Variants in CNGB3 observed in about 807,000 individuals in gnomAD.
The protein encoded by CNGB3 is cyclic nucleotide-gated channel beta-3.
CNGB3 carries 86 observed loss-of-function variants against 92.8 expected under a neutral mutation model. The observed-to-expected ratio is 0.93, with a 90% CI of 0.78 to 1.11. CNGB3 has a LOEUF of 1.11. Among genes scored for constraint, CNGB3 ranks in the 50% least tolerant of loss-of-function variants. The probability of loss-of-function intolerance (pLI) is 0.00; values close to 1 mark genes in which losing one functional copy is unlikely to be tolerated. For synonymous variants in CNGB3, 333 were observed against 332.7 expected (o/e 1.00, Z -0.01); for missense variants, 1,026 against 956.8 (o/e 1.07, Z -0.95).
chr8:86,716,852 G>A (rs1824863036), intron 3 of CNGB3, among the ~76,000 whole-genome samples: 1 of 151,892 alleles, frequency 6.6e-6, no homozygotes, highest in African/African-American at 2.4e-5. Flanking sequence ...ATGATGAATG[G>A]CATAGTACCT....
intron 1 of CNGB3, among the ~76,000 whole-genome samples, chr8:86,740,354 G>T (rs1825319735): frequency 6.6e-6 from 1 of 152,216 alleles, no homozygotes; most frequent in Admixed American, 6.5e-5. Flanking sequence ...GTCTGTAGAG[G>T]ATTAGGATGG....
intron 3 of CNGB3, among the ~76,000 whole-genome samples, chr8:86,725,681 A>T (rs1405020630): frequency 1.3e-5 from 2 of 152,194 alleles, no homozygotes; most frequent in Non-Finnish European, 2.9e-5. Flanking sequence ...GATAATCACG[A>T]TGACTTCTAC....
chr8:86,711,313 C>A (rs1043629738), intron 3 of CNGB3, among the ~76,000 whole-genome samples: 1 of 152,152 alleles, frequency 6.6e-6, no homozygotes, highest in African/African-American at 2.4e-5. Flanking sequence ...TCATAGAAAT[C>A]TGAGATTGTT....
intron 6 of CNGB3, chr8:86,659,040 T>A: frequency 1.0e-6 from 1 of 970,018 alleles, no homozygotes. Context: ...CACTTATAGC[T>A]GCTGCTCCAC....
chr8:86,710,021 T>C (rs975264132), intron 3 of CNGB3, among the ~76,000 whole-genome samples: 2 of 152,164 alleles, frequency 1.3e-5, no homozygotes, highest in African/African-American at 2.4e-5. Flanking sequence ...CCTCTGGGAA[T>C]TGCTTCACTC....
chr8:86,613,800 TAA>T (rs896645646), intron 13 of CNGB3, among the ~76,000 whole-genome samples: 1 of 150,850 alleles, frequency 6.6e-6, no homozygotes, highest in African/African-American at 2.4e-5. Flanking sequence ...CCAACTATAT[TAA>T]GTTATATTCA....
chr8:86,667,957 G>T (rs1271570491), intron 5 of CNGB3, 62 bp downstream of exon 5: 2 of 1,572,958 alleles, frequency 1.3e-6, no homozygotes, highest in African/African-American at 2.7e-5. Context: ...GTGACTTTGA[G>T]TCACAGGGTT....
At chr8:86,736,991 G>A (rs1825260162) in intron 2 of CNGB3, among the ~76,000 whole-genome samples, 1 of 152,096 alleles carries the variant, frequency 6.6e-6, no homozygotes, top group African/African-American at 2.4e-5. Context: ...AAAATATATT[G>A]TAGAACACTT....
intron 10 of CNGB3, among the ~76,000 whole-genome samples, chr8:86,643,196 A>G (rs1424674705): frequency 1.3e-5 from 2 of 151,418 alleles, no homozygotes; most frequent in African/African-American, 4.8e-5. Flanking sequence ...GTATTGACTT[A>G]CTAAAGAGGT....
intron 3 of CNGB3, among the ~76,000 whole-genome samples, chr8:86,695,341 A>G (rs1824429763): frequency 7.2e-6 from 1 of 138,414 alleles, no homozygotes; most frequent in African/African-American, 2.9e-5. Context: ...GGAGAGGGAG[A>G]GCCTTTGTTC....
intron 3 of CNGB3, among the ~76,000 whole-genome samples, chr8:86,688,344 C>A (rs1206793173): frequency 6.6e-6 from 1 of 152,004 alleles, no homozygotes; most frequent in Non-Finnish European, 1.5e-5. Context: ...TGAAGACAAT[C>A]ATCATTTCTT....
At chr8:86,590,501 C>T (rs901816035) in intron 15 of CNGB3, among the ~76,000 whole-genome samples, 155 of 152,064 alleles carry the variant, frequency 1.0e-3, no homozygotes, top group African/African-American at 2.7e-3. Context: ...CCATGTTTAG[C>T]GCTTCCTTCA....
At position 86,668,521 on chromosome 8, in the gene CNGB3, C is replaced by T. The variant is rs551159528; in HGVS notation, c.494-353G>A. Among the ~76,000 whole-genome samples the T allele has an allele frequency of 1.8e-4, 27 of 151,962 alleles. 1 individual carries two copies. The highest frequency in any genetic ancestry group is 2.6e-4 in the Admixed American group (4 of 15,248). On this transcript the variant is annotated intron_variant, in intron 4 of 17. Transcript: ENST00000320005. Reference sequence around the variant, plus strand: ...AAACTTGAATTTCTTAAAGTCGGAACGTTTATGAATCTTCCTCTTTTGATA... The same window carrying T: ...AAACTTGAATTTCTTAAAGTCGGAATGTTTATGAATCTTCCTCTTTTGATA...
At chr8:86,639,059 G>T (rs1048399870) in intron 10 of CNGB3, among the ~76,000 whole-genome samples, 3 of 151,822 alleles carry the variant, frequency 2.0e-5, no homozygotes, top group Non-Finnish European at 4.4e-5. Context: ...AATTGAGAAG[G>T]TGGATTACCT....
At chr8:86,634,351 T>C (rs551247609) in intron 10 of CNGB3, among the ~76,000 whole-genome samples, 2 of 152,304 alleles carry the variant, frequency 1.3e-5, no homozygotes, top group East Asian at 3.9e-4. Context: ...TCTGTGCACA[T>C]TTAAGTTAGG....
intron 15 of CNGB3, among the ~76,000 whole-genome samples, chr8:86,586,915 G>A (rs1438060028): frequency 2.2e-5 from 3 of 133,586 alleles, no homozygotes; most frequent in Non-Finnish European, 4.6e-5. Flanking sequence ...TTGCCACACT[G>A]ACTTCCACAA....
Position 86,673,530 on chromosome 8 carries a change from G to A in CNGB3, c.339-2432C>T, listed in dbSNP as rs530394114. On this transcript the variant is annotated intron_variant, in intron 3 of 17. Coordinates refer to ENST00000320005, the MANE Select transcript of CNGB3 (RefSeq NM_019098.5). ...ATGGTCCCATGTGATCTATTGAGGA[G>A]TTTAGACATTAAGCAGTGGGCAAAG... Among the ~76,000 whole-genome samples the A allele has an allele frequency of 9.9e-5, 15 of 152,248 alleles. No homozygotes were observed. The South Asian group carries it at 2.9e-3, about 29-fold the overall frequency.
At chr8:86,603,677 A>T (rs1338823298) in intron 15 of CNGB3, among the ~76,000 whole-genome samples, 1 of 152,200 alleles carries the variant, frequency 6.6e-6, no homozygotes, top group Non-Finnish European at 1.5e-5. Context: ...GTAGTGGTGA[A>T]ACTGGAGTTT....
At chr8:86,614,504 G>A (rs1822579645) in intron 13 of CNGB3, among the ~76,000 whole-genome samples, 1 of 152,108 alleles carries the variant, frequency 6.6e-6, no homozygotes, top group African/African-American at 2.4e-5. Flanking sequence ...GGCCCTGTGA[G>A]GCGTGCTGCC....
Sources: gnomAD v4.1 joint callset for allele counts (sites outside exome capture counted in the v4.1 genomes callset) on GRCh38, gnomAD v4.1.1 for gene constraint, MANE v1.5 for transcripts, NCBI Gene and HGNC (gene_info 2026-07-23, HGNC 2026-07-21) for gene names.